RCOR1: variants seen among roughly 807,000 people sequenced by gnomAD.
The protein encoded by RCOR1 is REST corepressor.
RCOR1 carries 12 observed loss-of-function variants against 64.0 expected under a neutral mutation model. The observed-to-expected ratio is 0.19, with a 90% CI of 0.12 to 0.30. RCOR1 has a LOEUF of 0.30. Among genes scored for constraint, RCOR1 ranks in the 10% least tolerant of loss-of-function variants. RCOR1 has a pLI of 1.00. For synonymous variants in RCOR1, 279 were observed against 227.2 expected, an observed-to-expected ratio of 1.23 and a Z score of -2.05; for missense variants, 502 against 621.2, an observed-to-expected ratio of 0.81 and a Z score of 2.04.
intron 2 of RCOR1, among the ~76,000 whole-genome samples, chr14:102,598,447 C>CTTTTT (rs34776749): frequency 2.4e-5 from 3 of 127,278 alleles, no homozygotes; most frequent in Non-Finnish European, 3.3e-5. Flanking sequence ...TGATTCAGTT[C>CTTTTT]TTTTTTTTTT....
intron 2 of RCOR1, among the ~76,000 whole-genome samples, chr14:102,624,906 T>C (rs1047214525): frequency 2.6e-5 from 4 of 152,078 alleles, no homozygotes; most frequent in Admixed American, 1.3e-4. Flanking sequence ...AGTCTTCCCC[T>C]TTTTCCCCAG....
intron 2 of RCOR1, among the ~76,000 whole-genome samples, chr14:102,663,797 C>T (rs1464158228): frequency 1.3e-5 from 2 of 152,118 alleles, no homozygotes; most frequent in Admixed American, 6.5e-5. Context: ...TTAGGTTTGA[C>T]GATCGTATGT....
At position 102,726,965 on chromosome 14, in the gene RCOR1, G is replaced by A. The variant is rs1270765994; in HGVS notation, c.*459G>A. ...GTTGGCCTTCTAGAAAGTTTCTTTT[G>A]TTCTTTTCTGAGACAACCACCTAAG... On this transcript the variant is annotated 3_prime_UTR_variant, in exon 12 of 12. Coordinates refer to ENST00000262241, the MANE Select transcript of RCOR1 (RefSeq NM_015156.4). 1.3e-5 allele frequency: 2 copies of A among 159,844 alleles called. No homozygotes were observed. Among genetic ancestry groups the A allele is most frequent in the Admixed American group, 6.5e-5 (1 of 15,434 alleles). The allele number at this position is 159,844 out of a possible 1,614,324, so 9.9% of individuals were successfully genotyped here.
At chr14:102,711,127 C>CAA in intron 7 of RCOR1, 114 bp downstream of exon 7, 1 of 658,910 alleles carries the variant, frequency 1.5e-6, no homozygotes, top group Non-Finnish European at 2.6e-6. Context: ...TGGAAAGCAG[C>CAA]ATGATATGAC....
intron 2 of RCOR1, among the ~76,000 whole-genome samples, chr14:102,663,460 A>G (rs1180933622): frequency 6.6e-6 from 1 of 152,192 alleles, no homozygotes; most frequent in African/African-American, 2.4e-5. Flanking sequence ...AACTCTTACA[A>G]CATTGGTGTA....
At chr14:102,629,088 T>C (rs986098300) in intron 2 of RCOR1, among the ~76,000 whole-genome samples, 7 of 152,154 alleles carry the variant, frequency 4.6e-5, no homozygotes, top group Non-Finnish European at 1.0e-4. Context: ...CGCTGTTTCC[T>C]GACCGTAGCT....
At chr14:102,683,080 C>G (rs1895338121) in intron 3 of RCOR1, among the ~76,000 whole-genome samples, 1 of 152,132 alleles carries the variant, frequency 6.6e-6, no homozygotes, top group African/African-American at 2.4e-5. Flanking sequence ...TCTTATTTTT[C>G]ATAGACCTAG....
chr14:102,698,651 T>C (rs1345086427), intron 3 of RCOR1, among the ~76,000 whole-genome samples: 1 of 152,210 alleles, frequency 6.6e-6, no homozygotes, highest in African/African-American at 2.4e-5. Context: ...TCCTTACATA[T>C]TCCTGAGTGC....
chr14:102,598,251 C>T (rs1292275419), intron 2 of RCOR1, among the ~76,000 whole-genome samples: 5 of 152,048 alleles, frequency 3.3e-5, no homozygotes, highest in Admixed American at 1.3e-4. Flanking sequence ...CCACTGTGCC[C>T]GGCCTGATTT....
chr14:102,612,247 C>T (rs1484425720), intron 2 of RCOR1, among the ~76,000 whole-genome samples: 1 of 152,186 alleles, frequency 6.6e-6, no homozygotes, highest in East Asian at 1.9e-4. Context: ...GTCTTGAGCT[C>T]CTAGCCTCAA....
chr14:102,685,917 C>A (rs185044425), intron 3 of RCOR1, among the ~76,000 whole-genome samples: 1 of 151,840 alleles, frequency 6.6e-6, no homozygotes, highest in African/African-American at 2.4e-5. Flanking sequence ...CATAGATCTC[C>A]CCTCTATTAA....
At chr14:102,612,796 T>A (rs560568369) in intron 2 of RCOR1, among the ~76,000 whole-genome samples, 1 of 151,596 alleles carries the variant, frequency 6.6e-6, no homozygotes, top group Non-Finnish European at 1.5e-5. Context: ...AGAGATCAGC[T>A]TGGGCAACAT....
intron 2 of RCOR1, among the ~76,000 whole-genome samples, chr14:102,654,038 T>G (rs1421325040): frequency 7.1e-6 from 1 of 139,864 alleles, no homozygotes; most frequent in Non-Finnish European, 1.5e-5. Context: ...CAGGCCGGAG[T>G]GCAGTGGTGC....
In RCOR1 at chr14:102,727,147, C is replaced by G. The variant is rs1017851340; in HGVS notation, c.*641C>G. 1 of 152,180 alleles carries G rather than the reference C, an allele frequency of 6.6e-6. No individual in the cohort carries two copies. Among genetic ancestry groups the G allele is most frequent in the Non-Finnish European group, 1.5e-5 (1 of 68,058 alleles). The allele number at this position is 152,180 out of a possible 1,614,324, so 9.4% of individuals were successfully genotyped here. A position where few individuals can be genotyped will look rare whatever the true frequency, so the allele number is the denominator to read the frequency against. On this transcript the variant is annotated 3_prime_UTR_variant, in exon 12 of 12. Transcript: ENST00000262241. ...CTTAAATCTCCCTCTTCTCCCTTCC[C>G]AAGTGTTACAAAGATCATTTACTGC...
intron 3 of RCOR1, among the ~76,000 whole-genome samples, chr14:102,684,042 C>T (rs920580166): frequency 6.6e-6 from 1 of 152,236 alleles, no homozygotes; most frequent in African/African-American, 2.4e-5. Flanking sequence ...TCTTTCCTGG[C>T]CATAGTCACA....
intron 4 of RCOR1, among the ~76,000 whole-genome samples, chr14:102,704,593 G>A (rs888649196): frequency 3.3e-5 from 5 of 152,050 alleles, no homozygotes; most frequent in Non-Finnish European, 5.9e-5. Context: ...CACCATGCCC[G>A]GCTAATTTTT....
chr14:102,613,478 G>C (rs1338981142), intron 2 of RCOR1, among the ~76,000 whole-genome samples: 1 of 149,764 alleles, frequency 6.7e-6, no homozygotes, highest in Non-Finnish European at 1.5e-5. Flanking sequence ...TGTCGCCCAG[G>C]CGGGAGTGCT....
intron 8 of RCOR1, among the ~76,000 whole-genome samples, chr14:102,717,436 T>G (rs937250050): frequency 3.3e-5 from 5 of 152,210 alleles, no homozygotes; most frequent in African/African-American, 7.2e-5. Context: ...AGGAGCGGCT[T>G]CTTCTTGTGG....
chr14:102,605,323 T>C (rs1893483411), intron 2 of RCOR1, among the ~76,000 whole-genome samples: 1 of 152,158 alleles, frequency 6.6e-6, no homozygotes, highest in Non-Finnish European at 1.5e-5. Flanking sequence ...TATGTTGAAA[T>C]AGTCATCTTC....
Sources: gnomAD v4.1 joint callset for allele counts (sites outside exome capture counted in the v4.1 genomes callset) on GRCh38, gnomAD v4.1.1 for gene constraint, MANE v1.5 for transcripts, NCBI Gene and HGNC (gene_info 2026-07-23, HGNC 2026-07-21) for gene names.